Variants in KHDC1 observed in about 807,000 individuals in gnomAD.
The protein encoded by KHDC1 is KH homology domain-containing protein 1.
Under a neutral mutation model 24.7 loss-of-function variants are expected in KHDC1, and 21 were observed. That is an observed-to-expected ratio of 0.85 (90% CI 0.60 to 1.23). The LOEUF is 1.23. Among genes scored for constraint, KHDC1 ranks in the 50% most tolerant of loss-of-function variants. The probability of loss-of-function intolerance (pLI) is 0.00; values close to 1 mark genes in which losing one functional copy is unlikely to be tolerated. For missense variants in KHDC1, 274 were observed against 298.5 expected (o/e 0.92, Z 0.61); for synonymous variants, 98 against 111.7 (o/e 0.88, Z 0.77).
intron 2 of KHDC1, among the ~76,000 whole-genome samples, chr6:73,250,459 AGCTACAAGTATTTT>A (rs1766758728): frequency 6.6e-6 from 1 of 152,266 alleles, no homozygotes; most frequent in Admixed American, 6.5e-5. Context: ...TTTTGGAAAT[AGCTACAAGTATTTT>A]GCTACCAACC....
intron 1 of KHDC1, among the ~76,000 whole-genome samples, chr6:73,308,824 T>C (rs1768023372): frequency 6.6e-6 from 1 of 152,034 alleles, no homozygotes; most frequent in South Asian, 2.1e-4. Context: ...TTTGTTGGTT[T>C]GTTTTTTGTT....
At chr6:73,269,151 C>T (rs140848274) in intron 2 of KHDC1, 6,465 of 153,510 alleles carry the variant, frequency 0.042, 150 homozygotes, top group Middle Eastern at 0.073. Flanking sequence ...CCAGCAGGGC[C>T]GGCCGGCTGC....
At chr6:73,295,391 A>G (rs368318420) in intron 1 of KHDC1, among the ~76,000 whole-genome samples, 4 of 152,142 alleles carry the variant, frequency 2.6e-5, no homozygotes, top group Admixed American at 1.3e-4. Context: ...TTTTTACAGC[A>G]ATGCAAGAAT....
chr6:73,305,977 G>C (rs965974378), intron 1 of KHDC1, among the ~76,000 whole-genome samples: 3 of 152,020 alleles, frequency 2.0e-5, no homozygotes, highest in Non-Finnish European at 4.4e-5. Context: ...TTTTTAAATT[G>C]AGCAAATTAT....
At chr6:73,293,159 A>G in intron 1 of KHDC1, 2 of 747,306 alleles carry the variant, frequency 2.7e-6, no homozygotes, top group South Asian at 2.7e-5. Flanking sequence ...GTGATTGAAA[A>G]GACCAAAAGC....
At chr6:73,290,893 A>G (rs1254854730) in intron 2 of KHDC1, 2 of 362,738 alleles carry the variant, frequency 5.5e-6, no homozygotes, top group Admixed American at 3.5e-5. Flanking sequence ...TTGTCATCCC[A>G]TGCAACAACA....
intron 1 of KHDC1, among the ~76,000 whole-genome samples, chr6:73,304,398 A>C (rs1016076155): frequency 1.3e-5 from 2 of 152,224 alleles, no homozygotes; most frequent in Non-Finnish European, 2.9e-5. Context: ...CATATATTAC[A>C]TAAAATTTAT....
At chr6:73,301,755 C>A (rs1187649395) in intron 1 of KHDC1, among the ~76,000 whole-genome samples, 2 of 152,064 alleles carry the variant, frequency 1.3e-5, no homozygotes, top group Non-Finnish European at 2.9e-5. Context: ...CCTCACCTCC[C>A]AAGTAGCTGG....
At chr6:73,249,318 C>T (rs1582552420) in intron 2 of KHDC1, among the ~76,000 whole-genome samples, 1 of 151,974 alleles carries the variant, frequency 6.6e-6, no homozygotes, top group East Asian at 1.9e-4. Context: ...GAAAAAGTAT[C>T]TCTGAAAAAC....
intron 2 of KHDC1, among the ~76,000 whole-genome samples, chr6:73,282,963 C>T (rs1265905404): frequency 1.3e-5 from 2 of 152,174 alleles, no homozygotes; most frequent in Non-Finnish European, 2.9e-5. Context: ...TACAATTCGC[C>T]TGTCTTTATA....
intron 4 of KHDC1, 79 bp from the exon 4 acceptor site, chr6:73,241,807 G>A (rs2150547920): frequency 2.0e-6 from 3 of 1,490,002 alleles, no homozygotes; most frequent in Non-Finnish European, 2.8e-6. Context: ...CCATCAGGGA[G>A]GCTGCAGGGA....
intron 1 of KHDC1, among the ~76,000 whole-genome samples, chr6:73,301,953 T>G (rs1216664365): frequency 6.6e-6 from 1 of 152,102 alleles, no homozygotes; most frequent in African/African-American, 2.4e-5. Flanking sequence ...ATGTACATTT[T>G]AAGAACTCTA....
chr6:73,248,838 T>C (rs1186783021), intron 2 of KHDC1, among the ~76,000 whole-genome samples: 1 of 151,490 alleles, frequency 6.6e-6, no homozygotes, highest in African/African-American at 2.4e-5. Context: ...TGGTATTGCG[T>C]ATCAGTGTTA....
intron 2 of KHDC1, among the ~76,000 whole-genome samples, chr6:73,260,031 C>T (rs1766952377): frequency 6.6e-6 from 1 of 152,096 alleles, no homozygotes; most frequent in Admixed American, 6.6e-5. Context: ...AAAAGTAAGT[C>T]ATCAGGGTAT....
chr6:73,278,223 G>A (rs1316187209), intron 2 of KHDC1, among the ~76,000 whole-genome samples: 1 of 148,988 alleles, frequency 6.7e-6, no homozygotes, highest in East Asian at 2.0e-4. Context: ...CGCCACATTG[G>A]CCAGGCTGGT....
At chr6:73,283,339 T>TTA (rs371720637) in intron 2 of KHDC1, among the ~76,000 whole-genome samples, 2 of 151,696 alleles carry the variant, frequency 1.3e-5, no homozygotes, top group African/African-American at 4.9e-5. Context: ...TTTTTTTTTT[T>TTA]AAAAAGAAGC....
At chr6:73,273,848 A>G (rs76799383) in intron 2 of KHDC1, among the ~76,000 whole-genome samples, 1,618 of 152,188 alleles carry the variant, frequency 0.011, 35 homozygotes, top group African/African-American at 0.037. Flanking sequence ...GCCAGGCACA[A>G]TGGTTCACAC....
At chr6:73,256,496 C>CA (rs1435991859) in intron 2 of KHDC1, among the ~76,000 whole-genome samples, 2 of 152,142 alleles carry the variant, frequency 1.3e-5, no homozygotes, top group Non-Finnish European at 2.9e-5. Context: ...TCTGGCGTTA[C>CA]AAATGATATT....
In KHDC1 at chr6:73,245,463, T is replaced by G. The variant is rs75595759; in HGVS notation, c.207-2933A>C. Among the ~76,000 whole-genome samples the G allele has an allele frequency of 5.7e-3, 863 of 152,308 alleles. 12 individuals are homozygous for G. Among genetic ancestry groups the G allele is most frequent in the African/African-American group, 0.02 (831 of 41,566 alleles). ...GCATCAAATGAATCCTTTGTAGTATTTAGAAACATGAGCTTGTGATATGGC... is the reference window on the plus strand; with the variant it reads ...GCATCAAATGAATCCTTTGTAGTATGTAGAAACATGAGCTTGTGATATGGC... On this transcript the variant is annotated intron_variant, in intron 2 of 4. Transcript: ENST00000370384.
Sources: gnomAD v4.1 joint callset for allele counts (sites outside exome capture counted in the v4.1 genomes callset) on GRCh38, gnomAD v4.1.1 for gene constraint, MANE v1.5 for transcripts, NCBI Gene and HGNC (gene_info 2026-07-23, HGNC 2026-07-21) for gene names.